Variants in FBXO25 observed in about 807,000 individuals in gnomAD.
FBXO25 encodes F-box protein 25.
A neutral mutation model predicts 51.9 loss-of-function variants in FBXO25; 45 were observed. The ratio of observed to expected loss-of-function variants is 0.87; its 90% CI spans 0.68 to 1.11. FBXO25 has a LOEUF of 1.11. Ranked by LOEUF, FBXO25 falls within the 50% of genes most tolerant of loss-of-function variation. The pLI is 0.00. For missense variants in FBXO25, 507 were observed against 428.5 expected (o/e 1.18, Z -1.62); for synonymous variants, 199 against 151.0 (o/e 1.32, Z -2.33).
chr8:407,251 G>A lies in FBXO25; in HGVS notation c.-8+185G>A, dbSNP rs567474684. ...TCGCGAGCGCGTCAGGTGGGGACGG[G>A]GCCTGTGGGAGGGTCAGGTGGGGAC... On this transcript the variant is annotated intron_variant, in intron 1 of 9. Transcript: ENST00000350302. 175 of 675,718 alleles carry A rather than the reference G, an allele frequency of 2.6e-4. 1 individual carries two copies. Among genetic ancestry groups the A allele is most frequent in the Admixed American group, 5.1e-4 (8 of 15,810 alleles). 41.9% of individuals were successfully genotyped at this position (675,718 alleles called of 1,614,324 possible).
rs1484916153 is a variant in FBXO25 at position 469,064 on chromosome 8, C to CTA, written c.*261_*262insAT. ...ATGTGAAATTTTGCGTACTCTCTCTCTCTATATATATAGTTCAAAAATACT... is the reference window on the plus strand; with the variant it reads ...ATGTGAAATTTTGCGTACTCTCTCTCTATCTATATATATAGTTCAAAAATACT... On this transcript the variant is annotated 3_prime_UTR_variant, in exon 10 of 10. Coordinates refer to ENST00000350302, the MANE Select transcript of FBXO25 (RefSeq NM_183420.2). 18 of 440,808 alleles carry CTA rather than the reference C, an allele frequency of 4.1e-5. No homozygotes were observed. The South Asian group carries it at 5.4e-4, about 13-fold the overall frequency. The allele number at this position is 440,808 out of a possible 1,614,324, so 27.3% of individuals were successfully genotyped here.
In FBXO25 at chr8:462,077, GTT is replaced by G. The variant is rs146028244; in HGVS notation, c.844-928_844-927del. Among the ~76,000 whole-genome samples, 1,318 of 152,304 alleles carry G rather than the reference GTT, an allele frequency of 8.7e-3. 23 individuals carry two copies. The highest frequency in any genetic ancestry group is 0.03 in the African/African-American group (1,236 of 41,562). The stretch of plus-strand genomic sequence containing the variant: ...TAACTTTTTGAGGAATTGCCAGACT[GTT>G]TGCAAAGTGGCTGCACCATTTCACA... On this transcript the variant is annotated intron_variant, in intron 8 of 9. Coordinates refer to ENST00000350302, the MANE Select transcript of FBXO25 (RefSeq NM_183420.2).
intron 6 of FBXO25, 51 bp downstream of exon 6, chr8:450,134 G>A (rs1798989532): frequency 7.3e-7 from 1 of 1,377,606 alleles, no homozygotes. Flanking sequence ...TAGAAATTTG[G>A]TGCAAGGAGA....
At chr8:456,344 G>C (rs762898908) in intron 7 of FBXO25, among the ~76,000 whole-genome samples, 28 of 152,086 alleles carry the variant, frequency 1.8e-4, no homozygotes, top group Non-Finnish European at 3.5e-4. Context: ...TGGGTGGCTG[G>C]GATTATAGGC....
intron 9 of FBXO25, among the ~76,000 whole-genome samples, chr8:464,357 G>A (rs536781402): frequency 1.1e-4 from 17 of 152,234 alleles, no homozygotes; most frequent in African/African-American, 3.6e-4. Flanking sequence ...AGATTTCACC[G>A]TGGGGGAAAA....
intron 5 of FBXO25, among the ~76,000 whole-genome samples, chr8:449,519 G>A (rs1255548164): frequency 1.3e-5 from 2 of 152,196 alleles, no homozygotes; most frequent in African/African-American, 4.8e-5. Flanking sequence ...TTGGTGTTGT[G>A]TTTCCTTTTT....
chr8:431,572 T>A (rs1797823197), intron 3 of FBXO25, 128 bp downstream of exon 3: 1 of 525,098 alleles, frequency 1.9e-6, no homozygotes, highest in East Asian at 3.6e-5. Context: ...TATCCAGCAT[T>A]GCCTACAGAT....
intron 7 of FBXO25, among the ~76,000 whole-genome samples, chr8:452,067 A>T (rs1268663691): frequency 6.6e-6 from 1 of 152,220 alleles, no homozygotes; most frequent in Non-Finnish European, 1.5e-5. Context: ...GGTGTGCCTT[A>T]CGTAGCCTTG....
intron 8 of FBXO25, among the ~76,000 whole-genome samples, chr8:460,178 C>G (rs760542810): frequency 1.3e-5 from 2 of 152,088 alleles, no homozygotes; most frequent in Non-Finnish European, 2.9e-5. Flanking sequence ...TCCCAAAAGG[C>G]GTTAATGAGA....
At chr8:448,690 A>C (rs189026320) in intron 5 of FBXO25, among the ~76,000 whole-genome samples, 1 of 152,256 alleles carries the variant, frequency 6.6e-6, no homozygotes, top group African/African-American at 2.4e-5. Flanking sequence ...GGCAGAGGAG[A>C]AAAGGTCGGT....
At chr8:455,893 C>G (rs1017267236) in intron 7 of FBXO25, among the ~76,000 whole-genome samples, 17 of 152,246 alleles carry the variant, frequency 1.1e-4, no homozygotes, top group African/African-American at 4.1e-4. Context: ...GCTGGCATTT[C>G]TGCGACACCC....
At chr8:433,577 T>C (rs528388566) in intron 4 of FBXO25, among the ~76,000 whole-genome samples, 2 of 152,284 alleles carry the variant, frequency 1.3e-5, no homozygotes, top group Admixed American at 6.5e-5. Flanking sequence ...GGGCTAAAGC[T>C]TTTTCATGAG....
intron 5 of FBXO25, among the ~76,000 whole-genome samples, chr8:443,051 C>T (rs1354333002): frequency 2.0e-5 from 3 of 151,842 alleles, no homozygotes; most frequent in Non-Finnish European, 4.4e-5. Flanking sequence ...TCAGAAATGG[C>T]CATTTCCATT....
chr8:467,290 G>A (rs150196658), intron 9 of FBXO25, among the ~76,000 whole-genome samples: 267 of 152,314 alleles, frequency 1.8e-3, no homozygotes, highest in African/African-American at 6.3e-3. Context: ...GTGCATTACT[G>A]AGCACAGAGC....
At chr8:414,389 A>T (rs891433709) in intron 2 of FBXO25, among the ~76,000 whole-genome samples, 1 of 152,132 alleles carries the variant, frequency 6.6e-6, no homozygotes, top group Admixed American at 6.5e-5. Context: ...TAGAAATGTC[A>T]GGTGTCTCAC....
intron 2 of FBXO25, among the ~76,000 whole-genome samples, chr8:422,803 G>A (rs1327590319): frequency 6.6e-6 from 1 of 152,196 alleles, no homozygotes; most frequent in Non-Finnish European, 1.5e-5. Context: ...TAGTTCCCAA[G>A]GAGAGGCAGA....
In FBXO25 at chr8:435,695, T is replaced by C; in HGVS notation, c.369T>C (p.Asn123=). Residue 123 remains asparagine (N), a synonymous_variant, in exon 5 of 10, where the codon AAT becomes AAC. Transcript: ENST00000350302. ...SSAIQDIRRF[N]YVVKLLQLIA... is the part of the protein sequence containing the mutation. ...CAATTCAAGATATCCGAAGGTTCAA[T>C]TATGTGGTCAAAGTAAGTGTTCTAT... The C allele has an allele frequency of 6.3e-7, 1 of 1,587,918 alleles. No homozygotes were observed. The highest frequency in any genetic ancestry group is 8.5e-7 in the Non-Finnish European group (1 of 1,170,314).
At chr8:415,461 T>G (rs1796739439) in intron 2 of FBXO25, among the ~76,000 whole-genome samples, 1 of 152,226 alleles carries the variant, frequency 6.6e-6, no homozygotes, top group Non-Finnish European at 1.5e-5. Context: ...AGGATTCATC[T>G]TAACCCTGAC....
chr8:416,863 C>G lies in FBXO25; in HGVS notation c.134+3650C>G, dbSNP rs557143640. On this transcript the variant is annotated intron_variant, in intron 2 of 9. Coordinates refer to ENST00000350302, the MANE Select transcript of FBXO25 (RefSeq NM_183420.2). Reference sequence around the variant, plus strand: ...TCTGGTGAAACAGATAGGCAGTGGACAAGATGAGTTCCGCAGTGTAGTAAG... The same window carrying G: ...TCTGGTGAAACAGATAGGCAGTGGAGAAGATGAGTTCCGCAGTGTAGTAAG... Among the ~76,000 whole-genome samples the G allele has an allele frequency of 6.6e-5, 10 of 152,232 alleles. No individual in the cohort carries two copies. The South Asian group carries it at 1.9e-3, about 28-fold the overall frequency.
Sources: allele counts gnomAD v4.1 joint callset (sites outside exome capture counted in the v4.1 genomes callset), GRCh38; gene constraint gnomAD v4.1.1; transcripts MANE v1.5; gene names NCBI Gene and HGNC (gene_info 2026-07-23, HGNC 2026-07-21).